Variants in ANK2 observed in about 807,000 individuals in gnomAD.
ANK2 encodes the protein ankyrin 2.
ANK2 carries 83 observed loss-of-function variants against 360.5 expected under a neutral mutation model. That is an observed-to-expected ratio of 0.23 (90% CI 0.19 to 0.28). The LOEUF is 0.28. Ranked by LOEUF, ANK2 falls within the 10% of genes least tolerant of loss-of-function variation. ANK2 has a pLI of 1.00. For synonymous variants in ANK2, 1,740 were observed against 1,759.5 expected (o/e 0.99, Z 0.28); for missense variants, 4,201 against 4,795.7 (o/e 0.88, Z 3.66).
chr4:112,706,120 A>G, the ANK2 span, among the ~76,000 whole-genome samples: 1 of 151,084 alleles, frequency 6.6e-6, no homozygotes, highest in African/African-American at 2.4e-5. Flanking sequence ...GCGTGACAGG[A>G]GGAAGAAACC....
At chr4:112,813,243 A>AT (rs2149479340), upstream of ANK2, among the ~76,000 whole-genome samples, 1 of 151,254 alleles carries the variant, frequency 6.6e-6, no homozygotes, top group African/African-American at 2.4e-5. Flanking sequence ...GTCTAAAAAA[A>AT]AAAAAAAAAT....
rs1430075101 is a variant in ANK2, at chr4:113,264,908, G to A, written c.1398G>A (p.Thr466=). 2.6e-6 allele frequency: 4 copies of A among 1,563,932 alleles called. No individual in the cohort carries two copies. The highest frequency in any genetic ancestry group is 1.9e-5 in the Admixed American group (1 of 52,524). ...SPDVTNIRGE[T]ALHMAARAGQ... ...TTGTTCCCTGGCAGCGTGGTGAGAC[G>A]GCACTACACATGGCAGCCCGAGCCG... is the stretch of plus-strand genomic sequence containing the variant. The change falls in exon 14 of 46, where the codon ACG becomes ACA. Residue 466 remains threonine, a synonymous_variant. Coordinates refer to ENST00000357077, the MANE Select transcript of ANK2 (RefSeq NM_001148.6).
intron 1 of ANK2, among the ~76,000 whole-genome samples, chr4:112,864,242 A>G (rs1283466028): frequency 6.6e-6 from 1 of 152,258 alleles, no homozygotes; most frequent in Non-Finnish European, 1.5e-5. Context: ...TCTCAGTGCC[A>G]TCTCTTATCA....
chr4:113,168,646 G>A (rs926846374), intron 1 of ANK2, among the ~76,000 whole-genome samples: 2 of 152,114 alleles, frequency 1.3e-5, no homozygotes, highest in African/African-American at 4.8e-5. Flanking sequence ...TTGTCAAGTG[G>A]GATTTTGCAG....
At chr4:113,156,716 T>G (rs1216640593) in intron 1 of ANK2, among the ~76,000 whole-genome samples, 1 of 151,886 alleles carries the variant, frequency 6.6e-6, no homozygotes, top group Non-Finnish European at 1.5e-5. Flanking sequence ...GTGTTAAGTT[T>G]GACTAATGGG....
chr4:113,356,831 A>T lies in ANK2; in HGVS notation c.8213A>T (p.Asp2738Val), dbSNP rs1270060472. Residue 2738 changes from aspartate to valine, a missense_variant, in exon 38 of 46, where the codon GAT becomes GTT. Asp to Val is a radical substitution (Grantham distance 152). Transcript: ENST00000357077. ...EEPGKSEEEK[D>V]SESHLAEDRH... is the part of the protein sequence containing the mutation. ...CCAGGCAAATCAGAAGAAGAAAAAG[A>T]TTCTGAATCCCATTTAGCTGAAGAC... is the stretch of plus-strand genomic sequence containing the variant. The T allele has an allele frequency of 1.2e-6, 2 of 1,613,976 alleles. No individual in the cohort carries two copies. Among genetic ancestry groups the T allele is most frequent in the Non-Finnish European group, 1.7e-6 (2 of 1,179,986 alleles).
intron 1 of ANK2, among the ~76,000 whole-genome samples, chr4:112,862,854 A>G (rs889623231): frequency 1.3e-5 from 2 of 152,114 alleles, no homozygotes; most frequent in African/African-American, 4.8e-5. Flanking sequence ...GTTTGAGTCC[A>G]GCCTGGGTAA....
chr4:112,793,519 G>T, the ANK2 span, among the ~76,000 whole-genome samples: 1 of 151,768 alleles, frequency 6.6e-6, no homozygotes, highest in Non-Finnish European at 1.5e-5. Context: ...TAATAATTTT[G>T]TCTCATTATG....
chr4:112,811,536 T>C, the ANK2 span, among the ~76,000 whole-genome samples: 47 of 152,316 alleles, frequency 3.1e-4, 1 homozygote, highest in East Asian at 6.0e-3. Flanking sequence ...TAGATCTCTC[T>C]ATTATAAAGT....
intron 2 of ANK2, chr4:113,034,584 A>C (rs1392895241): frequency 6.6e-6 from 1 of 152,004 alleles, no homozygotes; most frequent in East Asian, 1.9e-4. Context: ...TTATCTGTAG[A>C]AAGGAGAAGA....
chr4:113,286,120 TTGATGATCACTTCATG>T (rs2064449023), intron 18 of ANK2, among the ~76,000 whole-genome samples: 1 of 152,230 alleles, frequency 6.6e-6, no homozygotes, highest in African/African-American at 2.4e-5. Context: ...TCTTTGAGAT[TTGATGATCACTTCATG>T]TGATGATCAC....
Position 113,355,827 on chromosome 4 carries a change from T to A in ANK2, c.7209T>A (p.Ile2403=). The change falls in exon 38 of 46, where the codon ATT becomes ATA. Residue 2403 remains isoleucine, a synonymous_variant. Transcript: ENST00000357077. ...TGTESKPQGV[I]RSPQGLELAL... ...CTGAATCAAAACCTCAGGGAGTCAT[T>A]AGAAGTCCCCAAGGGTTAGAACTTG... 1 of 1,614,034 alleles carries A rather than the reference T, an allele frequency of 6.2e-7. No individual in the cohort carries two copies. Among genetic ancestry groups the A allele is most frequent in the South Asian group, 1.1e-5 (1 of 91,074 alleles).
intron 13 of ANK2, 28 bp from the exon 14 acceptor site, chr4:113,264,868 AT>A (rs746344795): frequency 1.3e-6 from 2 of 1,551,116 alleles, no homozygotes; most frequent in East Asian, 4.9e-5. Context: ...GGGTTAATTT[AT>A]GATTTGACGA....
At chr4:113,306,291 A>G (rs910932939) in intron 23 of ANK2, among the ~76,000 whole-genome samples, 2 of 152,208 alleles carry the variant, frequency 1.3e-5, no homozygotes, top group Admixed American at 6.5e-5. Context: ...GAGATTAATA[A>G]CAGGGCACAT....
At chr4:113,161,730 G>GTGCA (rs1312029730) in intron 1 of ANK2, among the ~76,000 whole-genome samples, 1 of 151,368 alleles carries the variant, frequency 6.6e-6, no homozygotes, top group Non-Finnish European at 1.5e-5. Context: ...GTGTGTGTGT[G>GTGCA]TGTGCATGTG....
chr4:113,150,750 G>C (rs886839675), intron 1 of ANK2, among the ~76,000 whole-genome samples: 32 of 152,326 alleles, frequency 2.1e-4, no homozygotes, highest in African/African-American at 7.7e-4. Context: ...GGACTCATTA[G>C]AAAGACTGGA....
intron 1 of ANK2, among the ~76,000 whole-genome samples, chr4:112,867,123 AT>A (rs561689942): frequency 4.0e-5 from 6 of 149,800 alleles, no homozygotes; most frequent in South Asian, 4.2e-4. Context: ...GAGGTCTTAC[AT>A]TTTTTTTTCC....
chr4:113,086,379 C>T (rs1463147467), intron 1 of ANK2, among the ~76,000 whole-genome samples: 1 of 152,162 alleles, frequency 6.6e-6, no homozygotes, highest in Non-Finnish European at 1.5e-5. Context: ...CATTTATGTT[C>T]TAGTCTTTAT....
chr4:112,983,706 T>C (rs953735807), intron 2 of ANK2, among the ~76,000 whole-genome samples: 1 of 152,006 alleles, frequency 6.6e-6, no homozygotes, highest in African/African-American at 2.4e-5. Context: ...ACAAAAAGAA[T>C]TGAACTCCTT....
Sources: allele counts gnomAD v4.1 joint callset (sites outside exome capture counted in the v4.1 genomes callset), GRCh38; gene constraint gnomAD v4.1.1; transcripts MANE v1.5; gene names NCBI Gene and HGNC (gene_info 2026-07-23, HGNC 2026-07-21).